The following EIF4G3 variants were observed in gnomAD, a reference collection of about 807,000 sequenced individuals.
EIF4G3 encodes the protein eukaryotic translation initiation factor 4 gamma 3, also known as eIF-4-gamma 3.
EIF4G3 carries 34 observed loss-of-function variants against 186.4 expected under a neutral mutation model. The ratio of observed to expected loss-of-function variants is 0.18; its 90% confidence interval spans 0.14 to 0.24. EIF4G3 has a LOEUF of 0.24. Among genes scored for constraint, EIF4G3 ranks in the 10% least tolerant of loss-of-function variants. The pLI is 1.00. For missense variants in EIF4G3, 1,536 were observed against 1,948.5 expected (o/e 0.79, Z 3.99); for synonymous variants, 673 against 679.5 (o/e 0.99, Z 0.15).
chr1:20,969,872 A>G (rs2075461223), intron 11 of EIF4G3, among the ~76,000 whole-genome samples: 1 of 152,154 alleles, frequency 6.6e-6, no homozygotes, highest in Non-Finnish European at 1.5e-5. Context: ...TTGTTTTGTA[A>G]GAACCTGTAA....
chr1:20,889,644 C>A (rs957941652), intron 18 of EIF4G3, among the ~76,000 whole-genome samples: 2 of 152,112 alleles, frequency 1.3e-5, no homozygotes, highest in African/African-American at 4.8e-5. Context: ...GCGCCCGCCA[C>A]CACACCCGGC....
At chr1:20,872,135 A>G (rs2079386031) in intron 20 of EIF4G3, among the ~76,000 whole-genome samples, 1 of 151,712 alleles carries the variant, frequency 6.6e-6, no homozygotes. Context: ...GTATACACAT[A>G]TATTAGAGAC....
intron 18 of EIF4G3, among the ~76,000 whole-genome samples, chr1:20,887,704 A>G (rs2084683468): frequency 6.6e-6 from 1 of 152,126 alleles, no homozygotes; most frequent in African/African-American, 2.4e-5. Context: ...GACACATGGT[A>G]TAACTGAAAG....
intron 2 of EIF4G3, among the ~76,000 whole-genome samples, chr1:21,142,716 T>C (rs766806085): frequency 2.0e-5 from 3 of 152,180 alleles, no homozygotes; most frequent in African/African-American, 4.8e-5. Flanking sequence ...TTCATACATT[T>C]TGATCTGCTT....
intron 2 of EIF4G3, among the ~76,000 whole-genome samples, chr1:21,157,362 GTTTT>G (rs904825467): frequency 2.0e-5 from 3 of 150,382 alleles, no homozygotes; most frequent in Admixed American, 6.6e-5. Context: ...TTTTCTTGTA[GTTTT>G]TTTTTGTTTG....
chr1:21,092,755 T>C (rs542864134), intron 2 of EIF4G3, among the ~76,000 whole-genome samples: 3 of 152,222 alleles, frequency 2.0e-5, no homozygotes, highest in Admixed American at 2.0e-4. Context: ...AACAGAGATA[T>C]AGACCAACAG....
chr1:20,826,627 C>T (rs1289230312), intron 32 of EIF4G3, among the ~76,000 whole-genome samples: 1 of 144,128 alleles, frequency 6.9e-6, no homozygotes, highest in African/African-American at 2.6e-5. Context: ...GTAGCTGGGA[C>T]TACAGGTGCG....
intron 2 of EIF4G3, among the ~76,000 whole-genome samples, chr1:21,147,857 C>T (rs1220785184): frequency 2.0e-5 from 3 of 151,938 alleles, no homozygotes; most frequent in African/African-American, 7.3e-5. Context: ...AGAGTAGACC[C>T]TGAAAATATG....
At chr1:21,062,375 A>T (rs954705739) in intron 3 of EIF4G3, among the ~76,000 whole-genome samples, 1 of 151,820 alleles carries the variant, frequency 6.6e-6, no homozygotes, top group Non-Finnish European at 1.5e-5. Flanking sequence ...TTATAATTCT[A>T]AAAGAAAATA....
chr1:21,057,635 C>T (rs932912835), intron 3 of EIF4G3, among the ~76,000 whole-genome samples: 2 of 151,848 alleles, frequency 1.3e-5, no homozygotes, highest in African/African-American at 4.8e-5. Flanking sequence ...TTAAACTCTA[C>T]CTTTAAGTTT....
At chr1:21,103,017 T>C (rs763166634) in intron 2 of EIF4G3, among the ~76,000 whole-genome samples, 10 of 152,192 alleles carry the variant, frequency 6.6e-5, no homozygotes, top group Non-Finnish European at 1.2e-4. Flanking sequence ...AAAGTTACTA[T>C]AAGGGGGAAA....
At chr1:20,884,516 A>C (rs940587382) in intron 19 of EIF4G3, among the ~76,000 whole-genome samples, 39 of 152,242 alleles carry the variant, frequency 2.6e-4, no homozygotes, top group Admixed American at 7.9e-4. Context: ...AACTATCTTT[A>C]TAAGCCATTT....
intron 33 of EIF4G3, among the ~76,000 whole-genome samples, chr1:20,819,314 T>C (rs2061746507): frequency 6.6e-6 from 1 of 151,590 alleles, no homozygotes; most frequent in African/African-American, 2.4e-5. Flanking sequence ...TCTTTTAAAC[T>C]GAAGTCTCAT....
At chr1:21,042,207 A>C (rs963250294) in intron 4 of EIF4G3, among the ~76,000 whole-genome samples, 1 of 152,066 alleles carries the variant, frequency 6.6e-6, no homozygotes, top group African/African-American at 2.4e-5. Context: ...GAAACTCCTG[A>C]GCGCAAGTGA....
chr1:20,910,550 C>T (rs1171887811), intron 14 of EIF4G3, among the ~76,000 whole-genome samples: 27 of 152,182 alleles, frequency 1.8e-4, no homozygotes, highest in Admixed American at 1.8e-3. Flanking sequence ...TGCCACTGCA[C>T]TCAGCCTGGG....
chr1:21,021,137 C>T (rs191137805), intron 4 of EIF4G3, among the ~76,000 whole-genome samples: 13 of 152,274 alleles, frequency 8.5e-5, no homozygotes, highest in Admixed American at 3.3e-4. Context: ...GTATGCACCA[C>T]CACCCCCAGT....
rs985702194 is a variant in EIF4G3, at chr1:21,040,585, T to C, written c.-67+10281A>G. On this transcript the variant is annotated intron_variant, in intron 4 of 36. Coordinates refer to ENST00000602326, the MANE Select transcript of EIF4G3 (RefSeq NM_001391906.1). ...GGGGTGGGAAGGCAGTCTAGAGGAA[T>C]GTTTTTAATCTTTCTGTGTCAAGTT... 3.9e-5 allele frequency among the ~76,000 whole-genome samples: 6 copies of C among 152,194 alleles called. No individual in the cohort carries two copies. In the South Asian group the frequency reaches 6.2e-4, roughly 16 times the overall value.
chr1:21,036,605 C>T lies in EIF4G3; in HGVS notation c.-67+14261G>A, dbSNP rs142931677. ...TATAAATGCTTATTTGTGGGCTGGGCGCAGTGGCTCACACCTGTAATCCCA... is the reference window on the plus strand; with the variant it reads ...TATAAATGCTTATTTGTGGGCTGGGTGCAGTGGCTCACACCTGTAATCCCA... On this transcript the variant is annotated intron_variant, in intron 4 of 36. Coordinates refer to ENST00000602326, the MANE Select transcript of EIF4G3 (RefSeq NM_001391906.1). 3.5e-4 allele frequency among the ~76,000 whole-genome samples: 53 copies of T among 152,244 alleles called. No homozygotes were observed. In the East Asian group the frequency reaches 6.6e-3, roughly 19 times the overall value.
At chr1:21,002,155 G>A (rs1557435576) in intron 5 of EIF4G3, among the ~76,000 whole-genome samples, 1 of 152,208 alleles carries the variant, frequency 6.6e-6, no homozygotes, top group Non-Finnish European at 1.5e-5. Context: ...TGTAAAGGAT[G>A]AACAAAGAGG....
Sources: allele counts gnomAD v4.1 joint callset (sites outside exome capture counted in the v4.1 genomes callset), GRCh38; gene constraint gnomAD v4.1.1; transcripts MANE v1.5; gene names NCBI Gene and HGNC (gene_info 2026-07-23, HGNC 2026-07-21).